The following REV3L variants were observed in gnomAD, a reference collection of about 807,000 sequenced individuals.
REV3L encodes the protein REV3 like, DNA directed polymerase zeta catalytic subunit, also known as DNA polymerase zeta catalytic subunit.
A neutral mutation model predicts 299.4 loss-of-function variants in REV3L; 69 were observed. The ratio of observed to expected loss-of-function variants is 0.23; its 90% confidence interval spans 0.19 to 0.28. The LOEUF is 0.28. Ranked by LOEUF, REV3L falls within the 10% of genes least tolerant of loss-of-function variation. The probability of loss-of-function intolerance (pLI) is 1.00; values close to 1 mark genes in which losing one functional copy is unlikely to be tolerated. For missense variants in REV3L, 3,128 were observed against 3,693.8 expected (o/e 0.85, Z 3.97); for synonymous variants, 1,238 against 1,271.4 (o/e 0.97, Z 0.56).
At chr6:111,461,477 G>A (rs969223220) in intron 1 of REV3L, among the ~76,000 whole-genome samples, 1 of 151,896 alleles carries the variant, frequency 6.6e-6, no homozygotes, top group Non-Finnish European at 1.5e-5. Flanking sequence ...AGTAAGGTAA[G>A]GCTAATTATT....
intron 8 of REV3L, 28 bp downstream of exon 8, chr6:111,387,971 TTC>T: frequency 6.2e-7 from 1 of 1,605,814 alleles, no homozygotes; most frequent in Non-Finnish European, 8.5e-7. Flanking sequence ...ATAAAATTAG[TTC>T]TGAGATCTAT....
chr6:111,463,799 T>C (rs1298008766), intron 1 of REV3L, among the ~76,000 whole-genome samples: 3 of 152,230 alleles, frequency 2.0e-5, no homozygotes, highest in Non-Finnish European at 4.4e-5. Flanking sequence ...GAACCTGTCA[T>C]GGACATTAAG....
intron 25 of REV3L, among the ~76,000 whole-genome samples, chr6:111,325,159 C>T (rs370990462): frequency 1.4e-4 from 21 of 152,118 alleles, no homozygotes; most frequent in African/African-American, 4.8e-4. Flanking sequence ...CTGCACCTGG[C>T]CTCAAAAGTC....
At chr6:111,434,076 C>G (rs1269560819) in intron 1 of REV3L, among the ~76,000 whole-genome samples, 6 of 152,200 alleles carry the variant, frequency 3.9e-5, no homozygotes, top group Admixed American at 3.9e-4. Context: ...AAACCCACAC[C>G]TAACACTGTA....
rs1783526900 is a variant in REV3L at position 111,405,512 on chromosome 6, T to C, written c.523A>G (p.Ile175Val). ...CGGAACTTGACAGCAGCCAGATTTA[T>C]TAAATTCATGCCATAAAGATTGTAG... The part of the protein sequence containing the change: ...IDYNLYGMNL[I>V]NLAAVKFRKA... Residue 175 changes from isoleucine (I) to valine (V), a missense_variant, in exon 4 of 32, where the codon ATA (isoleucine) becomes GTA (valine). By Grantham distance (29) the Ile-to-Val change is conservative. Transcript: ENST00000368802. 1.9e-6 allele frequency: 3 copies of C among 1,606,086 alleles called. No homozygotes were observed. The highest frequency in any genetic ancestry group is 2.5e-6 in the Non-Finnish European group (3 of 1,177,106).
intron 2 of REV3L, 65 bp from the exon 3 acceptor site, chr6:111,411,619 T>C (rs994844015): frequency 1.3e-5 from 14 of 1,042,252 alleles, no homozygotes; most frequent in Middle Eastern, 2.1e-4. Flanking sequence ...ATGCAACTTA[T>C]TGCCCTAATT....
chr6:111,339,063 A>C (rs1402097667), intron 21 of REV3L, among the ~76,000 whole-genome samples: 1 of 152,158 alleles, frequency 6.6e-6, no homozygotes, highest in African/African-American at 2.4e-5. Context: ...GTAAGGTGTT[A>C]GGCAAAAGCA....
chr6:111,478,362 A>G (rs1272075221), intron 1 of REV3L, among the ~76,000 whole-genome samples: 1 of 152,188 alleles, frequency 6.6e-6, no homozygotes, highest in Non-Finnish European at 1.5e-5. Flanking sequence ...AGCTAAAACA[A>G]CTTGCTACTC....
intron 1 of REV3L, chr6:111,431,830 TTAAC>T: frequency 1.8e-6 from 1 of 563,184 alleles, no homozygotes; most frequent in Non-Finnish European, 3.2e-6. Context: ...TTTTTCATTC[TTAAC>T]TTAGAAACGC....
At chr6:111,418,655 C>G (rs1003256077) in intron 1 of REV3L, among the ~76,000 whole-genome samples, 2 of 152,166 alleles carry the variant, frequency 1.3e-5, no homozygotes, top group African/African-American at 2.4e-5. Flanking sequence ...CTCAACAAAA[C>G]CTAAAACCAA....
chr6:111,356,969 G>A (rs2114975143), intron 18 of REV3L, 45 bp downstream of exon 18: 8 of 1,042,392 alleles, frequency 7.7e-6, no homozygotes, highest in South Asian at 3.2e-5. Context: ...AGCATGAAAC[G>A]ACTCTCTGAA....
chr6:111,300,289 T>G, intron 31 of REV3L, 133 bp from the exon 32 acceptor site: 1 of 619,194 alleles, frequency 1.6e-6, no homozygotes, highest in Non-Finnish European at 2.6e-6. Context: ...AAACTTTCAT[T>G]AATTTTAATC....
chr6:111,479,946 T>C (rs542282442), intron 1 of REV3L, among the ~76,000 whole-genome samples: 2 of 152,340 alleles, frequency 1.3e-5, no homozygotes, highest in South Asian at 4.1e-4. Context: ...AAAAGTCAAC[T>C]GGACTGTTTT....
At chr6:111,390,258 T>TCTTA in intron 5 of REV3L, 78 bp from the exon 6 acceptor site, 1 of 880,926 alleles carries the variant, frequency 1.1e-6, no homozygotes. Flanking sequence ...TATACAATTA[T>TCTTA]CTTACATTTA....
At position 111,416,150 on chromosome 6, in the gene REV3L, T is replaced by A. The variant is rs1192470966; in HGVS notation, c.329+133A>T. 5 of 547,122 alleles carry A rather than the reference T, an allele frequency of 9.1e-6. No individual in the cohort carries two copies. The South Asian group carries it at 2.9e-4, about 32-fold the overall frequency. 33.9% of individuals were successfully genotyped at this position (547,122 alleles called of 1,614,324 possible). On this transcript the variant is annotated intron_variant, in intron 2 of 31. Coordinates refer to ENST00000368802, the MANE Select transcript of REV3L (RefSeq NM_001372078.1). ...TGCCATAAAAATTCATGTTAAAAAG[T>A]TACAGCAAGGAATTCACTACAGTTC...
chr6:111,364,097 A>G (rs1778966737), intron 15 of REV3L, 119 bp from the exon 16 acceptor site: 12 of 1,318,954 alleles, frequency 9.1e-6, no homozygotes, highest in Non-Finnish European at 1.2e-5. Context: ...TGGTAAACTA[A>G]TATCATCTCT....
intron 31 of REV3L, among the ~76,000 whole-genome samples, chr6:111,306,869 TA>T (rs1244861325): frequency 6.6e-6 from 1 of 152,232 alleles, no homozygotes; most frequent in Non-Finnish European, 1.5e-5. Context: ...GAGTATCCCT[TA>T]TTTGAAACGC....
At chr6:111,478,556 A>G (rs1177178213) in intron 1 of REV3L, among the ~76,000 whole-genome samples, 2 of 152,040 alleles carry the variant, frequency 1.3e-5, no homozygotes, top group African/African-American at 4.8e-5. Flanking sequence ...TATTAGAGAA[A>G]CTTTTGAACC....
At position 111,307,419 on chromosome 6, in the gene REV3L, G is replaced by C; in HGVS notation, c.9194C>G (p.Ala3065Gly). 6.2e-7 allele frequency: 1 copy of C among 1,614,132 alleles called. No individual in the cohort carries two copies. ...CCGGATTTCTTGGTTGAGGATGACT[G>C]CAACATGCTGAGGTTGGCTCCGACA... ...SKCRSQPQHV[A>G]VILNQEIREL... The change falls in exon 31 of 32, where the codon GCA becomes GGA. Residue 3065 changes from alanine (A) to glycine (G), a missense_variant. Ala to Gly is a moderately conservative substitution (Grantham distance 60). This residue lies in a region of REV3L where 294 missense variants were observed against 377.0 expected (regional missense o/e 0.78). Coordinates refer to ENST00000368802, the MANE Select transcript of REV3L (RefSeq NM_001372078.1).
Sources: allele counts gnomAD v4.1 joint callset (sites outside exome capture counted in the v4.1 genomes callset), GRCh38; gene constraint gnomAD v4.1.1; regional missense constraint gnomAD v4.1.1; transcripts MANE v1.5; gene names NCBI Gene and HGNC (gene_info 2026-07-23, HGNC 2026-07-21).